Variants in RBFOX1 observed in about 807,000 individuals in gnomAD.
The protein encoded by RBFOX1 is RNA binding protein fox-1 homolog 1.
In RBFOX1, 8 loss-of-function variants were observed where a neutral mutation model predicts 57.7. That is an observed-to-expected ratio of 0.14 (90% confidence interval 0.08 to 0.25). RBFOX1 has a LOEUF of 0.25. Ranked by LOEUF, RBFOX1 falls within the 10% of genes least tolerant of loss-of-function variation. RBFOX1 has a pLI of 1.00. For synonymous variants in RBFOX1, 326 were observed against 222.4 expected (o/e 1.47, Z -4.15); for missense variants, 611 against 548.5 (o/e 1.11, Z -1.14).
intron 10 of RBFOX1, among the ~76,000 whole-genome samples, chr16:7,609,867 G>C (rs573800505): frequency 6.6e-6 from 1 of 152,022 alleles, no homozygotes; most frequent in Admixed American, 6.6e-5. Context: ...TCCCAGGCTG[G>C]AGTGCAGTGG....
At chr16:7,030,928 T>C (rs2042628688) in intron 3 of RBFOX1, among the ~76,000 whole-genome samples, 1 of 152,170 alleles carries the variant, frequency 6.6e-6, no homozygotes, top group African/African-American at 2.4e-5. Context: ...TGGAAGGGAA[T>C]GTGGGTATTT....
At chr16:7,137,989 A>C (rs1473055843) in intron 4 of RBFOX1, among the ~76,000 whole-genome samples, 2 of 152,212 alleles carry the variant, frequency 1.3e-5, no homozygotes, top group Non-Finnish European at 2.9e-5. Flanking sequence ...GAGAAAATGC[A>C]CGTAGAGAGA....
intron 4 of RBFOX1, among the ~76,000 whole-genome samples, chr16:7,453,128 C>CAAAA (rs35613776): frequency 2.6e-5 from 3 of 113,248 alleles, no homozygotes; most frequent in Non-Finnish European, 3.6e-5. Flanking sequence ...GGCTTTGTCT[C>CAAAA]AAAAAAAAAA....
At chr16:7,361,623 C>T (rs766543967) in intron 4 of RBFOX1, among the ~76,000 whole-genome samples, 1 of 152,182 alleles carries the variant, frequency 6.6e-6, no homozygotes, top group Non-Finnish European at 1.5e-5. Flanking sequence ...AGCAACCAAA[C>T]ACACACCAAA....
intron 4 of RBFOX1, among the ~76,000 whole-genome samples, chr16:7,297,331 C>T (rs1014424250): frequency 1.8e-4 from 27 of 152,332 alleles, no homozygotes; most frequent in African/African-American, 5.3e-4. Context: ...TGCATCCCTT[C>T]TCTTCTCCAG....
At chr16:7,001,427 TA>T (rs2092792576) in intron 3 of RBFOX1, among the ~76,000 whole-genome samples, 1 of 151,138 alleles carries the variant, frequency 6.6e-6, no homozygotes, top group Admixed American at 6.6e-5. Context: ...TGTATATGTA[TA>T]TGTATATGTA....
At chr16:6,201,525 C>T (rs867666259) in intron 1 of RBFOX1, among the ~76,000 whole-genome samples, 34 of 151,978 alleles carry the variant, frequency 2.2e-4, no homozygotes, top group Middle Eastern at 3.4e-3. Flanking sequence ...GAAGGGTAGC[C>T]CGGAGTGGGG....
At chr16:5,432,583 A>G (rs1597043406) in intron 1 of RBFOX1, among the ~76,000 whole-genome samples, 1 of 46,146 alleles carries the variant, frequency 2.2e-5, no homozygotes, top group African/African-American at 8.8e-5. Flanking sequence ...TTGGTTTTTC[A>G]CTCTTTTTCC....
At chr16:7,504,708 AT>A (rs1174309315) in intron 4 of RBFOX1, among the ~76,000 whole-genome samples, 1 of 92,804 alleles carries the variant, frequency 1.1e-5, no homozygotes, top group African/African-American at 7.2e-5. Flanking sequence ...ATGAAGTGAG[AT>A]TATATATATA....
intron 3 of RBFOX1, among the ~76,000 whole-genome samples, chr16:5,856,187 C>CTATATA (rs1200113050): frequency 2.0e-3 from 61 of 31,056 alleles, no homozygotes; most frequent in Admixed American, 3.3e-3. Context: ...CTCTCTCTCT[C>CTATATA]TATATATATA....
At chr16:6,555,982 T>C (rs937244551) in intron 2 of RBFOX1, among the ~76,000 whole-genome samples, 12 of 152,318 alleles carry the variant, frequency 7.9e-5, no homozygotes, top group Admixed American at 2.6e-4. Flanking sequence ...GGGTTCTTTA[T>C]TGGAACCGAC....
intron 4 of RBFOX1, among the ~76,000 whole-genome samples, chr16:7,165,280 G>A (rs1405735457): frequency 6.6e-6 from 1 of 151,850 alleles, no homozygotes; most frequent in Non-Finnish European, 1.5e-5. Context: ...GGGGCAGAGA[G>A]GGTGACACAC....
At chr16:6,099,213 G>T (rs1021746831) in intron 1 of RBFOX1, among the ~76,000 whole-genome samples, 2 of 152,208 alleles carry the variant, frequency 1.3e-5, no homozygotes, top group African/African-American at 4.8e-5. Context: ...ATTGGCCAAA[G>T]AAAGTGTTAA....
chr16:7,102,168 C>G (rs1007440934), intron 4 of RBFOX1, among the ~76,000 whole-genome samples: 6 of 152,210 alleles, frequency 3.9e-5, no homozygotes, highest in Admixed American at 6.5e-5. Context: ...TACTCACACT[C>G]ATCGGATTCC....
At chr16:7,041,359 A>C (rs975854084) in intron 3 of RBFOX1, among the ~76,000 whole-genome samples, 3 of 152,134 alleles carry the variant, frequency 2.0e-5, no homozygotes, top group African/African-American at 7.2e-5. Flanking sequence ...GTGGCTCTCA[A>C]AGGGCAATGC....
intron 1 of RBFOX1, among the ~76,000 whole-genome samples, chr16:6,170,007 G>A (rs531415124): frequency 1.3e-5 from 2 of 152,182 alleles, no homozygotes; most frequent in East Asian, 1.9e-4. Context: ...GACCTTAAGC[G>A]ATCCACCCAC....
intron 1 of RBFOX1, among the ~76,000 whole-genome samples, chr16:6,073,811 C>T (rs1049284034): frequency 6.6e-6 from 1 of 151,920 alleles, no homozygotes; most frequent in Non-Finnish European, 1.5e-5. Context: ...TTTGATAGGG[C>T]TCTTTCAACT....
At chr16:6,787,665 G>T (rs913699394) in intron 3 of RBFOX1, among the ~76,000 whole-genome samples, 1 of 152,128 alleles carries the variant, frequency 6.6e-6, no homozygotes, top group East Asian at 1.9e-4. Context: ...AGATGAAAGA[G>T]ATTGCATCCC....
intron 3 of RBFOX1, among the ~76,000 whole-genome samples, chr16:7,033,135 A>G (rs1377085390): frequency 2.0e-5 from 3 of 152,156 alleles, no homozygotes; most frequent in Non-Finnish European, 2.9e-5. Flanking sequence ...GAAGAAGGAA[A>G]GTGCAGTAAG....
Sources: allele counts gnomAD v4.1 joint callset (sites outside exome capture counted in the v4.1 genomes callset), GRCh38; gene constraint gnomAD v4.1.1; transcripts MANE v1.5; gene names NCBI Gene and HGNC (gene_info 2026-07-23, HGNC 2026-07-21).